Variants in PTPN9 observed in about 807,000 individuals in gnomAD.
PTPN9 encodes tyrosine-protein phosphatase non-receptor type 9.
In PTPN9, 26 loss-of-function variants were observed where a neutral mutation model predicts 69.8. The ratio of observed to expected loss-of-function variants is 0.37; its 90% CI spans 0.27 to 0.52. PTPN9 has a LOEUF of 0.52. Among genes scored for constraint, PTPN9 ranks in the 20% least tolerant of loss-of-function variants. PTPN9 has a pLI of 0.91. For missense variants in PTPN9, 549 were observed against 740.3 expected, an observed-to-expected ratio of 0.74 and a Z score of 3.00; for synonymous variants, 274 against 272.5, an observed-to-expected ratio of 1.01 and a Z score of -0.05.
chr15:75,502,398 A>C (rs1440506294), intron 7 of PTPN9, among the ~76,000 whole-genome samples: 1 of 151,956 alleles, frequency 6.6e-6, no homozygotes, highest in African/African-American at 2.4e-5. Flanking sequence ...CAGTGAGCCG[A>C]GATCGTGCCA....
At chr15:75,550,269 G>A (rs983194594) in intron 1 of PTPN9, among the ~76,000 whole-genome samples, 1 of 148,172 alleles carries the variant, frequency 6.7e-6, no homozygotes, top group African/African-American at 2.5e-5. Flanking sequence ...GGATTCAAGC[G>A]ATTCTCCTGC....
chr15:75,574,202 T>A (rs969281812), intron 1 of PTPN9, among the ~76,000 whole-genome samples: 1 of 151,260 alleles, frequency 6.6e-6, no homozygotes. Context: ...GGAGGACGGC[T>A]TGAACCCAGG....
chr15:75,554,009 T>C (rs1004532121), intron 1 of PTPN9, among the ~76,000 whole-genome samples: 39 of 147,964 alleles, frequency 2.6e-4, no homozygotes, highest in African/African-American at 3.5e-4. Flanking sequence ...TTCTTTCTTT[T>C]TTTTTTTTTT....
At chr15:75,563,045 T>C (rs930828618) in intron 1 of PTPN9, among the ~76,000 whole-genome samples, 3 of 152,296 alleles carry the variant, frequency 2.0e-5, no homozygotes, top group African/African-American at 7.2e-5. Context: ...GTAATAAGCA[T>C]AGTACACAAT....
chr15:75,554,005 C>CTTTTTTTT (rs72050060), intron 1 of PTPN9, among the ~76,000 whole-genome samples: 6 of 125,372 alleles, frequency 4.8e-5, no homozygotes, highest in East Asian at 2.3e-4. Context: ...TACTTTCTTT[C>CTTTTTTTT]TTTTTTTTTT....
intron 1 of PTPN9, among the ~76,000 whole-genome samples, chr15:75,576,016 G>C (rs983767328): frequency 1.2e-4 from 16 of 137,240 alleles, no homozygotes; most frequent in African/African-American, 3.9e-4. Flanking sequence ...GGTGGATCAC[G>C]AGGTCAAGAA....
intron 7 of PTPN9, among the ~76,000 whole-genome samples, chr15:75,498,680 A>G (rs577195164): frequency 4.0e-4 from 61 of 152,262 alleles, no homozygotes; most frequent in African/African-American, 1.3e-3. Context: ...GCACCACAGC[A>G]CTCCAGCTTG....
intron 8 of PTPN9, among the ~76,000 whole-genome samples, chr15:75,484,350 A>G (rs2074661239): frequency 6.6e-6 from 1 of 152,240 alleles, no homozygotes; most frequent in Admixed American, 6.5e-5. Flanking sequence ...CAAAATATGA[A>G]TGGAGAAGAA....
chr15:75,503,753 C>A (rs1286457294), intron 7 of PTPN9, among the ~76,000 whole-genome samples: 5 of 111,090 alleles, frequency 4.5e-5, no homozygotes, highest in Non-Finnish European at 9.2e-5. Context: ...GCCAGCCGCC[C>A]CATCCGGGAG....
intron 7 of PTPN9, among the ~76,000 whole-genome samples, chr15:75,499,328 A>C (rs889278521): frequency 2.0e-5 from 3 of 150,792 alleles, no homozygotes; most frequent in African/African-American, 7.3e-5. Flanking sequence ...CTCTCATTAG[A>C]TGAGAGATCT....
chr15:75,484,763 G>A (rs1485501102), intron 8 of PTPN9, among the ~76,000 whole-genome samples: 3 of 152,128 alleles, frequency 2.0e-5, no homozygotes, highest in African/African-American at 7.2e-5. Flanking sequence ...CTGCATTACA[G>A]AGAGGTCAGA....
intron 8 of PTPN9, among the ~76,000 whole-genome samples, chr15:75,483,497 T>C (rs1315154788): frequency 1.3e-5 from 2 of 152,118 alleles, no homozygotes; most frequent in Non-Finnish European, 2.9e-5. Flanking sequence ...TTGTATGAGA[T>C]CCCTAGAACA....
chr15:75,523,961 G>A lies in PTPN9; in HGVS notation c.297+248C>T, dbSNP rs191403624. 5.9e-5 allele frequency among the ~76,000 whole-genome samples: 9 copies of A among 152,008 alleles called. No individual in the cohort carries two copies. In the East Asian group the frequency reaches 7.7e-4, roughly 13 times the overall value. On this transcript the variant is annotated intron_variant, in intron 3 of 12. Transcript: ENST00000618819. ...GTATATAGGAACAAAGTCCAAACAG[G>A]GGGGGATGGAGGAGGGATAGCATTA...
intron 2 of PTPN9, 34 bp downstream of exon 2, chr15:75,527,084 T>C: frequency 6.2e-7 from 1 of 1,613,102 alleles, no homozygotes; most frequent in Non-Finnish European, 8.5e-7. Flanking sequence ...TTAACCCAAC[T>C]GCCACAGGTC....
In PTPN9 at chr15:75,504,868, C is replaced by A. The variant is rs1464541409; in HGVS notation, c.968+807G>T. On this transcript the variant is annotated intron_variant, in intron 7 of 12. Coordinates refer to ENST00000618819, the MANE Select transcript of PTPN9 (RefSeq NM_002833.4). ...GAGGTGGGGGGGTCTGGCCAGCCAC[C>A]CCGTCCGGGAGGTGAGGGGCACCTC... Among the ~76,000 whole-genome samples, 24 of 151,514 alleles carry A rather than the reference C, an allele frequency of 1.6e-4. 1 individual carries two copies. Among genetic ancestry groups the A allele is most frequent in the Admixed American group, 1.2e-3 (19 of 15,246 alleles).
intron 8 of PTPN9, among the ~76,000 whole-genome samples, chr15:75,484,464 G>A (rs1332731653): frequency 6.6e-6 from 1 of 152,120 alleles, no homozygotes; most frequent in Admixed American, 6.6e-5. Flanking sequence ...AAATTCAAAG[G>A]CATCTCAATG....
intron 1 of PTPN9, among the ~76,000 whole-genome samples, chr15:75,528,588 C>T (rs1237691471): frequency 3.3e-5 from 5 of 151,716 alleles, no homozygotes; most frequent in Non-Finnish European, 7.4e-5. Context: ...GAGACAAGGT[C>T]TCACTACATA....
At chr15:75,513,369 G>T (rs2074852872) in intron 5 of PTPN9, 2 of 455,896 alleles carry the variant, frequency 4.4e-6, no homozygotes, top group African/African-American at 2.0e-5. Context: ...GGAGAAGTTT[G>T]TTCTAGATGC....
chr15:75,524,403 G>T, intron 2 of PTPN9, 105 bp from the exon 3 acceptor site: 1 of 576,904 alleles, frequency 1.7e-6, no homozygotes, highest in Non-Finnish European at 3.1e-6. Flanking sequence ...ATCAATGAAT[G>T]AATGAATTAT....
Sources: allele counts gnomAD v4.1 joint callset (sites outside exome capture counted in the v4.1 genomes callset), GRCh38; gene constraint gnomAD v4.1.1; transcripts MANE v1.5; gene names NCBI Gene and HGNC (gene_info 2026-07-23, HGNC 2026-07-21).